PTPRT: variants seen among roughly 807,000 people sequenced by gnomAD.
PTPRT encodes the protein protein tyrosine phosphatase receptor type T, also known as receptor-type tyrosine-protein phosphatase T.
In PTPRT, 56 loss-of-function variants were observed where a neutral mutation model predicts 176.8. The observed-to-expected ratio is 0.32, with a 90% CI of 0.26 to 0.40. PTPRT has a LOEUF of 0.40. Among genes scored for constraint, PTPRT ranks in the 10% least tolerant of loss-of-function variants. PTPRT has a pLI of 1.00. For synonymous variants in PTPRT, 783 were observed against 739.0 expected (o/e 1.06, Z -0.96); for missense variants, 1,540 against 1,908.2 (o/e 0.81, Z 3.60).
chr20:43,164,822 C>G lies in PTPRT; in HGVS notation c.88+24824G>C, dbSNP rs142397587. Among the ~76,000 whole-genome samples the G allele has an allele frequency of 1.6e-3, 245 of 152,264 alleles. 1 individual carries two copies. Among genetic ancestry groups the G allele is most frequent in the Middle Eastern group, 0.014 (4 of 294 alleles). ...TAGAATCTTTGAGTACTACAAAATA[C>G]CCTCCTTTTGATTCACTATCTACCA... On this transcript the variant is annotated intron_variant, in intron 1 of 30. Coordinates refer to ENST00000373187, the MANE Select transcript of PTPRT (RefSeq NM_007050.6).
chr20:42,918,226 G>A (rs1978908434), intron 1 of PTPRT, among the ~76,000 whole-genome samples: 1 of 152,200 alleles, frequency 6.6e-6, no homozygotes, highest in South Asian at 2.1e-4. Flanking sequence ...GTAAGTCAGG[G>A]CAGAGCTGCT....
chr20:42,873,140 C>T (rs2078873054), intron 2 of PTPRT, among the ~76,000 whole-genome samples: 1 of 152,154 alleles, frequency 6.6e-6, no homozygotes, highest in Non-Finnish European at 1.5e-5. Flanking sequence ...GTCAACAGAG[C>T]AAGGCAGAGA....
At chr20:42,541,915 C>T (rs2072590060) in intron 7 of PTPRT, among the ~76,000 whole-genome samples, 1 of 151,562 alleles carries the variant, frequency 6.6e-6, no homozygotes, top group African/African-American at 2.4e-5. Flanking sequence ...GTGTCCCCAC[C>T]CAAATCTCCT....
chr20:42,149,867 G>A (rs1018502325), intron 17 of PTPRT, among the ~76,000 whole-genome samples: 3 of 152,108 alleles, frequency 2.0e-5, no homozygotes, highest in East Asian at 3.9e-4. Flanking sequence ...ACCCGCCCCA[G>A]ACTAACTCTC....
intron 16 of PTPRT, among the ~76,000 whole-genome samples, chr20:42,172,524 C>G (rs1346078099): frequency 1.3e-5 from 2 of 152,120 alleles, no homozygotes; most frequent in Non-Finnish European, 2.9e-5. Flanking sequence ...TGGGTGCTAG[C>G]TTTTTAAAAA....
chr20:43,182,315 C>T (rs1026686071), intron 1 of PTPRT, among the ~76,000 whole-genome samples: 1 of 151,952 alleles, frequency 6.6e-6, no homozygotes, highest in Non-Finnish European at 1.5e-5. Context: ...AACATGTAGT[C>T]GGCAGCACTG....
chr20:43,069,786 G>A (rs762500504), intron 1 of PTPRT, among the ~76,000 whole-genome samples: 7 of 152,134 alleles, frequency 4.6e-5, no homozygotes, highest in East Asian at 1.9e-4. Context: ...CTTGGGAGCC[G>A]TACTAATGGG....
At chr20:42,133,994 C>T (rs1988257006) in intron 18 of PTPRT, among the ~76,000 whole-genome samples, 1 of 152,164 alleles carries the variant, frequency 6.6e-6, no homozygotes, top group Non-Finnish European at 1.5e-5. Flanking sequence ...AAATACAGAT[C>T]CATCTATCTG....
intron 1 of PTPRT, among the ~76,000 whole-genome samples, chr20:43,111,125 G>C (rs890526491): frequency 6.6e-6 from 1 of 152,158 alleles, no homozygotes; most frequent in African/African-American, 2.4e-5. Context: ...TAGACAAGCA[G>C]CCCAAGGTGC....
At chr20:42,644,277 A>G (rs764768001) in intron 7 of PTPRT, among the ~76,000 whole-genome samples, 8 of 151,874 alleles carry the variant, frequency 5.3e-5, no homozygotes, top group Non-Finnish European at 1.0e-4. Flanking sequence ...TCCGCCTTAC[A>G]CTCCAAACCA....
At chr20:42,989,915 C>A (rs1983796977) in intron 1 of PTPRT, among the ~76,000 whole-genome samples, 1 of 152,222 alleles carries the variant, frequency 6.6e-6, no homozygotes, top group African/African-American at 2.4e-5. Flanking sequence ...CCTTGGGCTT[C>A]TCCCAATAAC....
At chr20:42,513,827 G>T (rs1028922550) in intron 7 of PTPRT, among the ~76,000 whole-genome samples, 3 of 152,118 alleles carry the variant, frequency 2.0e-5, no homozygotes, top group Non-Finnish European at 4.4e-5. Flanking sequence ...TACATAAGCA[G>T]TGATAAACCT....
chr20:42,801,742 G>C (rs2077533679), intron 2 of PTPRT, among the ~76,000 whole-genome samples: 1 of 152,196 alleles, frequency 6.6e-6, no homozygotes. Flanking sequence ...GTAGGCTGAG[G>C]TCTAAGTTAT....
intron 7 of PTPRT, among the ~76,000 whole-genome samples, chr20:42,568,365 A>G (rs753832462): frequency 6.6e-6 from 1 of 152,104 alleles, no homozygotes; most frequent in Non-Finnish European, 1.5e-5. Context: ...GAAATACTCC[A>G]ACGTTGGTAT....
In PTPRT at chr20:42,248,741, C is replaced by A; in HGVS notation, c.2258G>T (p.Gly753Val). 6.2e-7 allele frequency: 1 copy of A among 1,613,994 alleles called. No homozygotes were observed. The highest frequency in any genetic ancestry group is 1.3e-5 in the African/African-American group (1 of 74,998). ...NTVKMAGVIA[G>V]LLMFIIILLG... ...GAGAATGATGATGAACATGAGGAGG[C>A]CAGCGATCACGCCAGCCATCTTCAC... is the stretch of plus-strand genomic sequence containing the variant. Residue 753 changes from glycine to valine, a missense_variant, in exon 14 of 31, where the codon GGC (glycine) becomes GTC (valine). This residue lies in a region of PTPRT where 255 missense variants were observed against 250.1 expected (regional missense o/e 1.02). Transcript: ENST00000373187.
intron 8 of PTPRT, among the ~76,000 whole-genome samples, chr20:42,453,004 A>G (rs933599067): frequency 1.3e-5 from 2 of 152,104 alleles, no homozygotes; most frequent in Non-Finnish European, 2.9e-5. Flanking sequence ...ATTCTAGTGT[A>G]TGTTGTTTGG....
chr20:42,804,733 T>C (rs1399297408), intron 2 of PTPRT, among the ~76,000 whole-genome samples: 3 of 152,166 alleles, frequency 2.0e-5, no homozygotes, highest in Non-Finnish European at 4.4e-5. Flanking sequence ...CCCTAGCTTC[T>C]GGTGGTTTGC....
intron 9 of PTPRT, among the ~76,000 whole-genome samples, chr20:42,440,154 C>G (rs1260784299): frequency 6.6e-6 from 1 of 152,188 alleles, no homozygotes; most frequent in African/African-American, 2.4e-5. Context: ...ATTCACCCAC[C>G]TCGGCCTCCC....
intron 13 of PTPRT, among the ~76,000 whole-genome samples, chr20:42,269,632 A>T (rs1199087030): frequency 1.3e-5 from 2 of 152,222 alleles, no homozygotes; most frequent in African/African-American, 4.8e-5. Flanking sequence ...ACACTTGAGG[A>T]AAGGGGCTGG....
Sources: gnomAD v4.1 joint callset for allele counts (sites outside exome capture counted in the v4.1 genomes callset) on GRCh38, gnomAD v4.1.1 for gene constraint, gnomAD v4.1.1 regional missense constraint, MANE v1.5 for transcripts, NCBI Gene and HGNC (gene_info 2026-07-23, HGNC 2026-07-21) for gene names.